The following FRMPD4 variants were observed in gnomAD, a reference collection of about 807,000 sequenced individuals.
The protein encoded by FRMPD4 is FERM and PDZ domain containing 4, also known as FERM and PDZ domain-containing protein 4.
Under a neutral mutation model 94.1 loss-of-function variants are expected in FRMPD4, and 22 were observed. The ratio of observed to expected loss-of-function variants is 0.23; its 90% CI spans 0.17 to 0.33. FRMPD4 has a LOEUF of 0.33. FRMPD4 is among the 10% of genes least tolerant of loss of function. The probability of loss-of-function intolerance (pLI) is 1.00; values close to 1 mark genes in which losing one functional copy is unlikely to be tolerated. For missense variants in FRMPD4, 1,111 were observed against 1,339.9 expected (o/e 0.83, Z 2.67); for synonymous variants, 631 against 548.6 (o/e 1.15, Z -2.10).
intron 4 of FRMPD4, among the ~76,000 whole-genome samples, chrX:12,655,267 CT>C (rs1359462319): frequency 9.0e-6 from 1 of 111,623 alleles, no homozygotes; most frequent in African/African-American, 3.3e-5. Context: ...CTATTAAAAT[CT>C]TTTTTCCCCT....
At chrX:12,318,357 C>T (rs1327155202) in intron 1 of FRMPD4, among the ~76,000 whole-genome samples, 1 of 111,805 alleles carries the variant, frequency 8.9e-6, no homozygotes, top group Non-Finnish European at 1.9e-5. Context: ...GAGACACTGT[C>T]TCTACAAAAA....
intron 3 of FRMPD4, among the ~76,000 whole-genome samples, chrX:11,933,195 G>A (rs1329643909): frequency 8.9e-6 from 1 of 112,447 alleles, no homozygotes; most frequent in Non-Finnish European, 1.9e-5. Context: ...ACCGATTGTG[G>A]AAAAGGCTGC....
intron 3 of FRMPD4, among the ~76,000 whole-genome samples, chrX:11,910,691 C>T (rs924366679): frequency 2.1e-4 from 23 of 112,054 alleles, no homozygotes; most frequent in African/African-American, 7.5e-4. Flanking sequence ...GCTAGGATTA[C>T]AGGCACGGGC....
intron 13 of FRMPD4, 83 bp downstream of exon 13, chrX:12,707,734 A>G: frequency 1.3e-6 from 1 of 770,901 alleles, no homozygotes. Flanking sequence ...AAGGCAGGCA[A>G]AAGTCAATGT....
chrX:12,514,324 G>C (rs771101430), intron 2 of FRMPD4, among the ~76,000 whole-genome samples: 16 of 111,392 alleles, frequency 1.4e-4, no homozygotes, highest in Non-Finnish European at 2.1e-4. Context: ...ATCCAGCTTT[G>C]GCCCATTCTG....
chrX:12,424,961 G>GTTGT (rs1555964790), intron 1 of FRMPD4, among the ~76,000 whole-genome samples: 3 of 111,295 alleles, frequency 2.7e-5, no homozygotes, highest in African/African-American at 9.8e-5. Context: ...CAGTAATTCA[G>GTTGT]TTTTTTTTCC....
chrX:11,979,811 G>T (rs191041768), intron 3 of FRMPD4, among the ~76,000 whole-genome samples: 106 of 110,884 alleles, frequency 9.6e-4, no homozygotes, highest in Admixed American at 3.5e-3. Context: ...ATGGTTTGTG[G>T]TCTATATATT....
chrX:12,579,902 C>T (rs2058848143), intron 2 of FRMPD4, among the ~76,000 whole-genome samples: 1 of 111,994 alleles, frequency 8.9e-6, no homozygotes, highest in Admixed American at 9.5e-5. Flanking sequence ...GAAAATAAAA[C>T]TTTACTCCAT....
At chrX:12,612,074 A>C (rs1297194931) in intron 3 of FRMPD4, among the ~76,000 whole-genome samples, 1 of 111,724 alleles carries the variant, frequency 9.0e-6, no homozygotes, top group Non-Finnish European at 1.9e-5. Flanking sequence ...TACATAATAC[A>C]TATATATAGA....
intron 1 of FRMPD4, among the ~76,000 whole-genome samples, chrX:12,263,295 G>A (rs1189824561): frequency 9.0e-6 from 1 of 111,557 alleles, no homozygotes; most frequent in Non-Finnish European, 1.9e-5. Context: ...GGTAAACCAG[G>A]ATGGTTGGTC....
intron 1 of FRMPD4, among the ~76,000 whole-genome samples, chrX:12,334,108 C>G (rs1364652255): frequency 9.0e-6 from 1 of 111,656 alleles, no homozygotes; most frequent in Non-Finnish European, 1.9e-5. Flanking sequence ...CCTCTTGTAC[C>G]CTGTAAAACA....
chrX:12,717,160 C>A lies in FRMPD4; in HGVS notation c.2674+27C>A, dbSNP rs41303145. ...TTCTTTCACAATTGTTACATTCATTCACTGATAACCATATCATTCCATCCT... is the reference window on the plus strand; with the variant it reads ...TTCTTTCACAATTGTTACATTCATTAACTGATAACCATATCATTCCATCCT... On this transcript the variant is annotated intron_variant, in intron 15 of 16. Coordinates refer to ENST00000675598, the MANE Select transcript of FRMPD4 (RefSeq NM_001368397.1). 1.9e-3 allele frequency: 1,843 copies of A among 963,655 alleles called. 3 individuals carry two copies. The highest frequency in any genetic ancestry group is 2.4e-3 in the Non-Finnish European group (1,678 of 697,913). The allele number at this position is 963,655 out of a possible 1,213,427, so 79.4% of individuals were successfully genotyped here. A position where few individuals can be genotyped will look rare whatever the true frequency, so the allele number is the denominator to read the frequency against.
chrX:11,977,252 T>C (rs954158668), intron 3 of FRMPD4, among the ~76,000 whole-genome samples: 1 of 112,179 alleles, frequency 8.9e-6, no homozygotes, highest in Non-Finnish European at 1.9e-5. Flanking sequence ...GTCTTAGAAA[T>C]GGAGTCTATA....
chrX:12,345,569 C>T (rs1377914677), intron 1 of FRMPD4, among the ~76,000 whole-genome samples: 1 of 111,529 alleles, frequency 9.0e-6, no homozygotes, highest in Non-Finnish European at 1.9e-5. Flanking sequence ...GGAACCTTTG[C>T]AATTCCTCAT....
At chrX:12,304,813 T>C (rs763704455) in intron 1 of FRMPD4, among the ~76,000 whole-genome samples, 3 of 112,384 alleles carry the variant, frequency 2.7e-5, no homozygotes, top group Non-Finnish European at 1.9e-5. Flanking sequence ...ACTTGATGCA[T>C]GTCTTATGAA....
intron 16 of FRMPD4, among the ~76,000 whole-genome samples, chrX:12,719,245 G>A (rs1009271858): frequency 8.9e-6 from 1 of 112,775 alleles, no homozygotes; most frequent in Non-Finnish European, 1.9e-5. Flanking sequence ...GAGATCATTT[G>A]CCTTTCGGCA....
At chrX:12,715,750 G>A (rs1486318114) in intron 14 of FRMPD4, among the ~76,000 whole-genome samples, 2 of 112,159 alleles carry the variant, frequency 1.8e-5, no homozygotes, top group African/African-American at 6.5e-5. Flanking sequence ...AGATATGAAT[G>A]AAGCCTTTTA....
At chrX:11,864,675 C>T (rs2053708380) in intron 1 of FRMPD4, among the ~76,000 whole-genome samples, 1 of 111,454 alleles carries the variant, frequency 9.0e-6, no homozygotes, top group Non-Finnish European at 1.9e-5. Context: ...AAGACTTCTA[C>T]TCATCTGCTT....
chrX:12,695,297 G>C (rs959605281), intron 9 of FRMPD4, among the ~76,000 whole-genome samples: 3 of 112,199 alleles, frequency 2.7e-5, no homozygotes, highest in Non-Finnish European at 3.8e-5. Context: ...AATGAACTTC[G>C]ACTCTTGGTT....
Sources: gnomAD v4.1 joint callset for allele counts (sites outside exome capture counted in the v4.1 genomes callset) on GRCh38, gnomAD v4.1.1 for gene constraint, MANE v1.5 for transcripts, NCBI Gene and HGNC (gene_info 2026-07-23, HGNC 2026-07-21) for gene names.